Variants in PEPD observed in about 807,000 individuals in gnomAD.
The protein encoded by PEPD is peptidase D.
PEPD carries 53 observed loss-of-function variants against 60.7 expected under a neutral mutation model. The ratio of observed to expected loss-of-function variants is 0.87; its 90% CI spans 0.70 to 1.10. The LOEUF is 1.10. PEPD is among the 50% of genes least tolerant of loss of function. The probability of loss-of-function intolerance (pLI) is 0.00; values close to 1 mark genes in which losing one functional copy is unlikely to be tolerated. For synonymous variants in PEPD, 267 were observed against 284.1 expected, an observed-to-expected ratio of 0.94 and a Z score of 0.60; for missense variants, 711 against 711.9, an observed-to-expected ratio of 1.00 and a Z score of 0.01.
intron 9 of PEPD, among the ~76,000 whole-genome samples, chr19:33,420,441 G>A (rs1420918341): frequency 6.6e-6 from 1 of 152,062 alleles, no homozygotes; most frequent in South Asian, 2.1e-4. Flanking sequence ...GGTGGCTGAC[G>A]CCTGTAATCC....
intron 9 of PEPD, among the ~76,000 whole-genome samples, chr19:33,422,138 C>T (rs996286786): frequency 6.6e-6 from 1 of 152,106 alleles, no homozygotes; most frequent in Non-Finnish European, 1.5e-5. Flanking sequence ...AACTGCCAGG[C>T]AAGTTCCCAC....
chr19:33,441,281 C>T (rs1271169513), intron 9 of PEPD, among the ~76,000 whole-genome samples: 1 of 152,216 alleles, frequency 6.6e-6, no homozygotes, highest in Non-Finnish European at 1.5e-5. Flanking sequence ...TGGCCTTTGG[C>T]CCTGGGACCA....
intron 9 of PEPD, among the ~76,000 whole-genome samples, chr19:33,460,121 T>G (rs894284724): frequency 1.3e-5 from 2 of 152,086 alleles, no homozygotes; most frequent in African/African-American, 4.8e-5. Flanking sequence ...AGATTTTTAT[T>G]CCCCGACTAG....
intron 9 of PEPD, among the ~76,000 whole-genome samples, chr19:33,432,919 G>A (rs1969303544): frequency 6.6e-6 from 1 of 152,262 alleles, no homozygotes; most frequent in Non-Finnish European, 1.5e-5. Flanking sequence ...GCCTTCCAGA[G>A]GCACCTCGGC....
chr19:33,438,958 G>A (rs1481513162), intron 9 of PEPD, among the ~76,000 whole-genome samples: 1 of 152,224 alleles, frequency 6.6e-6, no homozygotes, highest in African/African-American at 2.4e-5. Flanking sequence ...AAGCTCAAGT[G>A]ATCCACCTGC....
chr19:33,490,107 A>G (rs777146792), intron 5 of PEPD, 50 bp from the exon 6 acceptor site: 11 of 1,302,282 alleles, frequency 8.4e-6, no homozygotes, highest in Non-Finnish European at 1.2e-5. Context: ...TGGCGCCCCC[A>G]CAGCCTGCAC....
chr19:33,415,657 G>GA (rs1293379727), intron 9 of PEPD, among the ~76,000 whole-genome samples: 1 of 151,976 alleles, frequency 6.6e-6, no homozygotes, highest in Admixed American at 6.6e-5. Context: ...TGCTTTTTAA[G>GA]AAAAAAATAG....
intron 3 of PEPD, among the ~76,000 whole-genome samples, chr19:33,505,056 A>G (rs1436786830): frequency 6.6e-6 from 1 of 152,190 alleles, no homozygotes; most frequent in Non-Finnish European, 1.5e-5. Context: ...GGAGACATTA[A>G]ATTAATGCCA....
At chr19:33,443,464 A>G (rs942669555) in intron 9 of PEPD, among the ~76,000 whole-genome samples, 2 of 152,260 alleles carry the variant, frequency 1.3e-5, no homozygotes, top group South Asian at 2.1e-4. Context: ...AAATTTATTC[A>G]TAAGATTATA....
At chr19:33,493,487 A>C (rs1466431377) in intron 4 of PEPD, 150 bp from the exon 5 acceptor site, 2 of 712,300 alleles carry the variant, frequency 2.8e-6, no homozygotes, top group East Asian at 5.4e-5. Flanking sequence ...CTGCAGGTGA[A>C]GAAACCCAGC....
intron 7 of PEPD, chr19:33,477,110 C>T (rs79449543): frequency 0.047 from 7,165 of 152,412 alleles, 283 homozygotes; most frequent in Non-Finnish European, 0.078. Context: ...CAACTGTTCT[C>T]GGGCTCTGCT....
At position 33,401,874 on chromosome 19, in the gene PEPD, G is replaced by A. The variant is rs775756380; in HGVS notation, c.819-5C>T. The A allele has an allele frequency of 4.3e-6, 7 of 1,612,670 alleles. No individual in the cohort carries two copies. The highest frequency in any genetic ancestry group is 4.0e-5 in the African/African-American group (3 of 74,936). ...TCACCGCCCATGTCGAACAGGCTGC[G>A]GAGAGAGGAAGGCAGGGCAAGTGGG... is the stretch of plus-strand genomic sequence containing the variant. On this transcript the variant is annotated splice_polypyrimidine_tract_variant and splice_region_variant and intron_variant, in intron 11 of 14. Transcript: ENST00000244137.
chr19:33,469,716 C>T (rs1970088256), intron 7 of PEPD, among the ~76,000 whole-genome samples: 1 of 152,114 alleles, frequency 6.6e-6, no homozygotes. Flanking sequence ...CCTCCCCTCA[C>T]TTGCCTCCTT....
intron 7 of PEPD, among the ~76,000 whole-genome samples, chr19:33,475,555 G>A (rs532255540): frequency 2.2e-4 from 33 of 152,270 alleles, no homozygotes; most frequent in African/African-American, 7.5e-4. Flanking sequence ...GCTTAGGAAC[G>A]CGGGCTCGAC....
chr19:33,421,665 T>A lies in PEPD; in HGVS notation c.672-8022A>T, dbSNP rs1323480932. Among the ~76,000 whole-genome samples, 5 of 152,122 alleles carry A rather than the reference T, an allele frequency of 3.3e-5. No homozygotes were observed. The South Asian group carries it at 6.2e-4, about 19-fold the overall frequency. Reference sequence around the variant, plus strand: ...ACCACCATGCCCAGCTAATTTTTTTTATATGTTTTGTGGAGATGGGAGTCT... The same window carrying A: ...ACCACCATGCCCAGCTAATTTTTTTAATATGTTTTGTGGAGATGGGAGTCT... On this transcript the variant is annotated intron_variant, in intron 9 of 14. Transcript: ENST00000244137.
chr19:33,484,141 A>C (rs746250258), intron 6 of PEPD, among the ~76,000 whole-genome samples: 1 of 152,208 alleles, frequency 6.6e-6, no homozygotes, highest in Non-Finnish European at 1.5e-5. Flanking sequence ...AAGTCAACCT[A>C]AATGTTGTGG....
At chr19:33,482,300 C>G (rs1018991098) in intron 6 of PEPD, among the ~76,000 whole-genome samples, 7 of 152,108 alleles carry the variant, frequency 4.6e-5, no homozygotes, top group African/African-American at 1.7e-4. Flanking sequence ...AAAAAGAAAT[C>G]AATGTAACAC....
intron 1 of PEPD, among the ~76,000 whole-genome samples, chr19:33,518,939 C>T (rs964284082): frequency 1.3e-5 from 2 of 152,112 alleles, no homozygotes; most frequent in East Asian, 1.9e-4. Context: ...CCTGCAAATA[C>T]GTGAAGAATC....
At chr19:33,399,353 C>T (rs1434531635) in intron 12 of PEPD, among the ~76,000 whole-genome samples, 2 of 152,194 alleles carry the variant, frequency 1.3e-5, no homozygotes, top group Non-Finnish European at 2.9e-5. Context: ...CAGGTGAGTC[C>T]GATCAGCGCT....
Sources: gnomAD v4.1 joint callset for allele counts (sites outside exome capture counted in the v4.1 genomes callset) on GRCh38, gnomAD v4.1.1 for gene constraint, MANE v1.5 for transcripts, NCBI Gene and HGNC (gene_info 2026-07-23, HGNC 2026-07-21) for gene names.